Variants in KPTN observed in about 807,000 individuals in gnomAD.
KPTN encodes KICSTOR complex protein kaptin.
In KPTN, 36 loss-of-function variants were observed where a neutral mutation model predicts 52.6. The ratio of observed to expected loss-of-function variants is 0.68; its 90% CI spans 0.52 to 0.90. The LOEUF (loss-of-function observed/expected upper bound fraction) is 0.90. Among genes scored for constraint, KPTN ranks in the 40% least tolerant of loss-of-function variants. The pLI is 0.00. For missense variants in KPTN, 529 were observed against 576.2 expected, an observed-to-expected ratio of 0.92 and a Z score of 0.84; for synonymous variants, 271 against 248.4, an observed-to-expected ratio of 1.09 and a Z score of -0.85.
chr19:47,484,143 G>T lies in KPTN; in HGVS notation c.18C>A (p.Ala6=). Residue 6 remains alanine (A), a synonymous_variant, in exon 1 of 12, where the codon GCC becomes GCA. Transcript: ENST00000338134. The part of the protein sequence containing the change: MMGEA[A]VAAGPCPLRE... ...GCAACGGACAAGGCCCCGCGGCCAC[G>T]GCCGCCTCCCCCATCATGCCCCTCA... The T allele has an allele frequency of 6.3e-7, 1 of 1,597,696 alleles. No homozygotes were observed.
chr19:47,477,486 A>AG, intron 9 of KPTN, among the ~76,000 whole-genome samples: 1 of 152,064 alleles, frequency 6.6e-6, no homozygotes, highest in Non-Finnish European at 1.5e-5. Flanking sequence ...CATCTACTCC[A>AG]GGGGGCACAG....
At position 47,480,070 on chromosome 19, in the gene KPTN, C is replaced by A. The variant is rs1599873829; in HGVS notation, c.710-130G>T. ...CGCCCCTCTGAAGCCCTCAACCCCACCCTAGCCCCGCCCCCAATCCCCACC... is the reference window on the plus strand; with the variant it reads ...CGCCCCTCTGAAGCCCTCAACCCCAACCTAGCCCCGCCCCCAATCCCCACC... On this transcript the variant is annotated intron_variant, in intron 7 of 11. Coordinates refer to ENST00000338134, the MANE Select transcript of KPTN (RefSeq NM_007059.4). 3 of 676,756 alleles carry A rather than the reference C, an allele frequency of 4.4e-6. No homozygotes were observed. The South Asian group carries it at 5.2e-5, about 12-fold the overall frequency. 41.9% of individuals were successfully genotyped at this position (676,756 alleles called of 1,614,324 possible). A position where few individuals can be genotyped will look rare whatever the true frequency, so the allele number is the denominator to read the frequency against.
upstream of KPTN, among the ~76,000 whole-genome samples, chr19:47,484,694 C>T (rs1026611059): frequency 2.0e-5 from 3 of 151,256 alleles, no homozygotes; most frequent in African/African-American, 7.3e-5. Context: ...CAAGGTAACT[C>T]CACAGTTCAC....
rs767640554 is a variant in KPTN at position 47,484,146 on chromosome 19, C to G, written c.15G>C (p.Ala5=). 2 of 1,597,882 alleles carry G rather than the reference C, an allele frequency of 1.3e-6. No homozygotes were observed. The highest frequency in any genetic ancestry group is 3.3e-4 in the Middle Eastern group (2 of 6,004). MMGE[A]AVAAGPCPLR... ...ACGGACAAGGCCCCGCGGCCACGGC[C>G]GCCTCCCCCATCATGCCCCTCAGTT... The change falls in exon 1 of 12, where the codon GCG becomes GCC. Residue 5 remains alanine, a synonymous_variant. Coordinates refer to ENST00000338134, the MANE Select transcript of KPTN (RefSeq NM_007059.4).
rs562237338 is a variant in KPTN at position 47,476,547 on chromosome 19, G to C, written c.1167C>G (p.Gly389=). The change falls in exon 11 of 12, where the codon GGC becomes GGG. Residue 389 remains glycine, a synonymous_variant. Coordinates refer to ENST00000338134, the MANE Select transcript of KPTN (RefSeq NM_007059.4). ...LQELAVVSLK[G]VHILQHSLIQ... ...CTGGGGATACCTGCAGGATGTGCAC[G>C]CCCTTCAGGGAGACCACGGCAAGCT... is the stretch of plus-strand genomic sequence containing the variant. The C allele has an allele frequency of 6.2e-6, 10 of 1,607,542 alleles. No homozygotes were observed. In the East Asian group the frequency reaches 2.0e-4, roughly 33 times the overall value.
chr19:47,475,611 C>A, intron 11 of KPTN, 67 bp from the exon 12 acceptor site: 1 of 1,580,856 alleles, frequency 6.3e-7, no homozygotes, highest in East Asian at 2.3e-5. Flanking sequence ...GCGGGACCGT[C>A]TGGAGTGAAG....
At chr19:47,482,558 G>C (rs1967919919) in intron 4 of KPTN, among the ~76,000 whole-genome samples, 1 of 151,534 alleles carries the variant, frequency 6.6e-6, no homozygotes, top group African/African-American at 2.4e-5. Flanking sequence ...CTATGGACAA[G>C]TTCGTGGTCT....
At chr19:47,479,518 C>A (rs1221896453) in intron 8 of KPTN, among the ~76,000 whole-genome samples, 1 of 152,050 alleles carries the variant, frequency 6.6e-6, no homozygotes, top group Non-Finnish European at 1.5e-5. Flanking sequence ...TGAGGAAATA[C>A]CGATGTGAGA....
intron 3 of KPTN, 28 bp from the exon 4 acceptor site, chr19:47,483,243 A>G (rs973034013): frequency 6.2e-7 from 1 of 1,613,532 alleles, no homozygotes; most frequent in East Asian, 2.2e-5. Flanking sequence ...GCAGGTTAGC[A>G]TGGGGGACCT....
intron 7 of KPTN, 24 bp downstream of exon 7, chr19:47,480,274 A>G (rs745334556): frequency 4.4e-6 from 6 of 1,367,894 alleles, no homozygotes; most frequent in Non-Finnish European, 5.0e-6. Context: ...CCCACCCCTT[A>G]CCCCGCCTCA....
At position 47,477,775 on chromosome 19, in the gene KPTN, T is replaced by G; in HGVS notation, c.794A>C (p.Lys265Thr). The G allele has an allele frequency of 6.2e-7, 1 of 1,612,878 alleles. No individual in the cohort carries two copies. The highest frequency in any genetic ancestry group is 8.5e-7 in the Non-Finnish European group (1 of 1,179,024). ...GTACTCATCTTGTAGTGGCCTGTCC[T>G]TGGTCTCTGGAGAAGAAACATGAAT... is the stretch of plus-strand genomic sequence containing the variant. ...VFSLSAAKET[K>T]DRPLQDEYSV... Residue 265 changes from lysine (K) to threonine (T), a missense_variant, in exon 9 of 12, where the codon AAG becomes ACG. Lys to Thr is a moderately conservative substitution (Grantham distance 78). Coordinates refer to ENST00000338134, the MANE Select transcript of KPTN (RefSeq NM_007059.4).
At chr19:47,483,732 G>A (rs893694066) in intron 1 of KPTN, 148 bp from the exon 2 acceptor site, 3 of 897,610 alleles carry the variant, frequency 3.3e-6, no homozygotes, top group Non-Finnish European at 5.1e-6. Context: ...GGGTACTAGG[G>A]ATCCTGACCT....
rs751862675 is a variant in KPTN, at chr19:47,476,803, C to G, written c.999G>C (p.Gln333His). The change falls in exon 10 of 12, where the codon CAG becomes CAC. Residue 333 changes from glutamine (Q) to histidine (H), a missense_variant and splice_region_variant. By Grantham distance (24) the Gln-to-His change is conservative. Transcript: ENST00000338134. The part of the protein sequence containing the change: ...RPEVLVATYG[Q>H]ELLCYKYRGP... ...TGTGGCTCCAACTGTCAGGTCCCAC[C>G]TGTCCATAGGTGGCCACCAGGACTT... is the stretch of plus-strand genomic sequence containing the variant. The G allele has an allele frequency of 6.3e-7, 1 of 1,591,130 alleles. No homozygotes were observed. Among genetic ancestry groups the G allele is most frequent in the Non-Finnish European group, 8.6e-7 (1 of 1,168,806 alleles).
At chr19:47,476,741 C>G in intron 10 of KPTN, 27 bp from the exon 11 acceptor site, 1 of 1,607,262 alleles carries the variant, frequency 6.2e-7, no homozygotes, top group Non-Finnish European at 8.5e-7. Context: ...TCAGGTCACA[C>G]AGGTTGATGG....
At position 47,483,246 on chromosome 19, in the gene KPTN, G is replaced by A. The variant is rs202066711; in HGVS notation, c.395-31C>T. The A allele has an allele frequency of 2.2e-5, 36 of 1,613,246 alleles. No homozygotes were observed. In the East Asian group the frequency reaches 7.6e-4, roughly 34 times the overall value. On this transcript the variant is annotated intron_variant, in intron 3 of 11. Coordinates refer to ENST00000338134, the MANE Select transcript of KPTN (RefSeq NM_007059.4). ...GGCAGGGCACAGGCAGGTTAGCATGGGGGACCTGCTGGGGACTCTCTCCCT... is the reference window on the plus strand; with the variant it reads ...GGCAGGGCACAGGCAGGTTAGCATGAGGGACCTGCTGGGGACTCTCTCCCT...
chr19:47,484,863 C>G (rs1968024891), upstream of KPTN, among the ~76,000 whole-genome samples: 1 of 152,074 alleles, frequency 6.6e-6, no homozygotes, highest in Non-Finnish European at 1.5e-5. Context: ...CCACACCTGG[C>G]TAGTTTTTCT....
At chr19:47,479,745 A>G (rs1482541884) in intron 8 of KPTN, 118 bp downstream of exon 8, 1 of 745,176 alleles carries the variant, frequency 1.3e-6, no homozygotes, top group East Asian at 2.7e-5. Flanking sequence ...GGAGAGAGGG[A>G]CTGGGGTCTG....
At position 47,484,099 on chromosome 19, in the gene KPTN, C is replaced by T. The variant is rs1967991103; in HGVS notation, c.62G>A (p.Arg21His). Residue 21 changes from arginine (R) to histidine (H), a missense_variant, in exon 1 of 12, where the codon CGC becomes CAC. Transcript: ENST00000338134. ...PCPLREDSFT[R>H]FSSQSNVYGL... The stretch of plus-strand genomic sequence containing the variant: ...GTACACATTGCTCTGCGACGAGAAG[C>T]GCGTGAAGCTGTCCTCGCGCAACGG... 1.2e-6 allele frequency: 2 copies of T among 1,605,958 alleles called. No homozygotes were observed. Among genetic ancestry groups the T allele is most frequent in the Non-Finnish European group, 1.7e-6 (2 of 1,179,714 alleles).
In KPTN at chr19:47,477,780, C is replaced by G; in HGVS notation, c.789G>C (p.Glu263Asp). The part of the protein sequence containing the change: ...VIVFSLSAAK[E>D]TKDRPLQDEY... ...CATCTTGTAGTGGCCTGTCCTTGGT[C>G]TCTGGAGAAGAAACATGAATGGTAA... Residue 263 changes from glutamate to aspartate, a missense_variant and splice_region_variant, in exon 9 of 12, where the codon GAG (glutamate) becomes GAC (aspartate). Physicochemically the swap from Glu to Asp is conservative, Grantham distance 45. Transcript: ENST00000338134. 1 of 1,612,600 alleles carries G rather than the reference C, an allele frequency of 6.2e-7. No homozygotes were observed. The highest frequency in any genetic ancestry group is 8.5e-7 in the Non-Finnish European group (1 of 1,178,822).
Sources: gnomAD v4.1 joint callset for allele counts (sites outside exome capture counted in the v4.1 genomes callset) on GRCh38, gnomAD v4.1.1 for gene constraint, MANE v1.5 for transcripts, NCBI Gene and HGNC (gene_info 2026-07-23, HGNC 2026-07-21) for gene names.